The following TMEM233 variants were observed in gnomAD, a reference collection of about 807,000 sequenced individuals.
TMEM233 encodes the protein transmembrane protein 233.
In TMEM233, 6 loss-of-function variants were observed where a neutral mutation model predicts 11.2. The ratio of observed to expected loss-of-function variants is 0.54; its 90% confidence interval spans 0.29 to 1.06. The LOEUF (loss-of-function observed/expected upper bound fraction) is 1.06. Among genes scored for constraint, TMEM233 ranks in the 50% least tolerant of loss-of-function variants. The pLI is 0.08. For synonymous variants in TMEM233, 59 were observed against 55.8 expected, an observed-to-expected ratio of 1.06 and a Z score of -0.26; for missense variants, 127 against 144.7, an observed-to-expected ratio of 0.88 and a Z score of 0.63.
intron 1 of TMEM233, among the ~76,000 whole-genome samples, chr12:119,602,657 A>G (rs1376676894): frequency 1.3e-5 from 2 of 152,232 alleles, no homozygotes; most frequent in Admixed American, 1.3e-4. Flanking sequence ...GACATTTGGT[A>G]TTTAGGAACC....
chr12:119,596,980 T>A (rs1251340427), intron 1 of TMEM233, among the ~76,000 whole-genome samples: 1 of 152,220 alleles, frequency 6.6e-6, no homozygotes, highest in Non-Finnish European at 1.5e-5. Flanking sequence ...GATATCATGT[T>A]ACATATAAAA....
chr12:119,594,219 G>C lies in TMEM233; in HGVS notation c.186+185G>C. The C allele has an allele frequency of 1.6e-6, 1 of 619,832 alleles. No individual in the cohort carries two copies. Among genetic ancestry groups the C allele is most frequent in the Non-Finnish European group, 2.8e-6 (1 of 353,940 alleles). The allele number at this position is 619,832 out of a possible 1,614,324, so 38.4% of individuals were successfully genotyped here. On this transcript the variant is annotated intron_variant, in intron 1 of 2. Coordinates refer to ENST00000426426, the MANE Select transcript of TMEM233 (RefSeq NM_001136534.3). This position sits in a 1 kb window ranked among gnomAD's most constrained non-coding sequence, Gnocchi z 5.6. ...CTCAGAGCTCTCCCCGCAATCATCA[G>C]CACCTCCTCTGCACTCCTCGTGGTA...
chr12:119,634,236 A>C (rs1226812013), intron 2 of TMEM233: 21 of 985,238 alleles, frequency 2.1e-5, no homozygotes, highest in Non-Finnish European at 2.4e-5. Context: ...GGGCTGGAAA[A>C]TCTGACATTA....
chr12:119,651,464 A>G, the TMEM233 span, among the ~76,000 whole-genome samples: 484 of 152,190 alleles, frequency 3.2e-3, 1 homozygote, highest in African/African-American at 0.011. Flanking sequence ...GGGTTATGTG[A>G]CCATTCCGAA....
At chr12:119,603,025 C>T (rs988679919) in intron 1 of TMEM233, among the ~76,000 whole-genome samples, 2 of 152,080 alleles carry the variant, frequency 1.3e-5, no homozygotes, top group Non-Finnish European at 2.9e-5. Flanking sequence ...GAGGCTGAGG[C>T]GGGTGGACCA....
downstream of TMEM233, among the ~76,000 whole-genome samples, chr12:119,644,332 T>C (rs1774814394): frequency 6.6e-6 from 1 of 151,982 alleles, no homozygotes. Context: ...ACCAAAGTAC[T>C]CTTACCAGAA....
rs143136952 is a variant in TMEM233 at position 119,613,079 on chromosome 12, T to C, written c.187-16657T>C. The stretch of plus-strand genomic sequence containing the variant: ...GCACCCATCAACTCATCATTTACAT[T>C]AGGTATTTCTCCTAATGCTATGCCT... On this transcript the variant is annotated intron_variant, in intron 1 of 2. Transcript: ENST00000426426. Among the ~76,000 whole-genome samples, 475 of 152,230 alleles carry C rather than the reference T, an allele frequency of 3.1e-3. 3 individuals are homozygous for C. The highest frequency in any genetic ancestry group is 0.011 in the African/African-American group (460 of 41,510).
intron 1 of TMEM233, among the ~76,000 whole-genome samples, chr12:119,615,092 T>G (rs12317336): frequency 0.013 from 1,910 of 143,566 alleles, 39 homozygotes; most frequent in African/African-American, 0.047. Flanking sequence ...CCATCCTCCC[T>G]GCCAGGCATC....
chr12:119,599,924 C>T (rs999575473), intron 1 of TMEM233, among the ~76,000 whole-genome samples: 3 of 152,088 alleles, frequency 2.0e-5, no homozygotes, highest in African/African-American at 7.2e-5. Flanking sequence ...TGGAAAGCTG[C>T]AATGTTGAAC....
At chr12:119,651,500 T>C in the TMEM233 span, among the ~76,000 whole-genome samples, 1 of 152,052 alleles carries the variant, frequency 6.6e-6, no homozygotes, top group Admixed American at 6.6e-5. Flanking sequence ...AAGGGTAGGA[T>C]TGTCCAGTCA....
rs7309996 is a variant in TMEM233 at position 119,598,234 on chromosome 12, C to T, written c.186+4200C>T. 8.5e-3 allele frequency among the ~76,000 whole-genome samples: 1,287 copies of T among 152,252 alleles called. 19 individuals carry two copies. Among genetic ancestry groups the T allele is most frequent in the African/African-American group, 0.029 (1,218 of 41,542 alleles). On this transcript the variant is annotated intron_variant, in intron 1 of 2. Coordinates refer to ENST00000426426, the MANE Select transcript of TMEM233 (RefSeq NM_001136534.3). ...TCCTGGATCTCAAAGAAGTGGGGCT[C>T]TAGGCAAGTTGCAAGAGTGTTGGCA...
the TMEM233 span, among the ~76,000 whole-genome samples, chr12:119,653,640 AC>A: frequency 1.4e-4 from 22 of 152,110 alleles, no homozygotes; most frequent in Middle Eastern, 3.4e-3. Flanking sequence ...TTTTTTAAAA[AC>A]CCCTGAAAAT....
chr12:119,649,234 G>T, the TMEM233 span, among the ~76,000 whole-genome samples: 1 of 152,054 alleles, frequency 6.6e-6, no homozygotes, highest in Non-Finnish European at 1.5e-5. Flanking sequence ...GGTGGCGGAG[G>T]TTGCAGTGAG....
At chr12:119,605,018 G>A (rs1343628391) in intron 1 of TMEM233, among the ~76,000 whole-genome samples, 2 of 144,366 alleles carry the variant, frequency 1.4e-5, no homozygotes, top group Admixed American at 6.9e-5. Context: ...TTTTTGCCAC[G>A]GGTGAAATTC....
the TMEM233 span, among the ~76,000 whole-genome samples, chr12:119,651,075 C>T: frequency 1.3e-5 from 2 of 152,142 alleles, no homozygotes; most frequent in African/African-American, 2.4e-5. Context: ...TGAGTCCATC[C>T]GAGTATACGA....
chr12:119,618,845 A>G (rs1238280100), intron 1 of TMEM233, among the ~76,000 whole-genome samples: 1 of 152,128 alleles, frequency 6.6e-6, no homozygotes, highest in African/African-American at 2.4e-5. Context: ...TTAATGCTGG[A>G]ATGAGCTGAG....
intron 1 of TMEM233, among the ~76,000 whole-genome samples, chr12:119,603,586 C>A (rs1170925742): frequency 6.6e-6 from 1 of 152,170 alleles, no homozygotes; most frequent in Non-Finnish European, 1.5e-5. Flanking sequence ...TCTTTCAAGG[C>A]TCAGCTAGAA....
chr12:119,616,815 C>T (rs1419074163), intron 1 of TMEM233, among the ~76,000 whole-genome samples: 1 of 152,138 alleles, frequency 6.6e-6, no homozygotes. Context: ...GGTGAGTTCT[C>T]ACAAGATCTG....
intron 1 of TMEM233, among the ~76,000 whole-genome samples, chr12:119,599,399 C>A (rs1256772621): frequency 1.3e-5 from 2 of 151,756 alleles, no homozygotes; most frequent in African/African-American, 4.8e-5. Context: ...TCATGTACCC[C>A]GTAAATGTAT....
Sources: gnomAD v4.1 joint callset for allele counts (sites outside exome capture counted in the v4.1 genomes callset) on GRCh38, gnomAD v4.1.1 for gene constraint, Gnocchi (gnomAD v3.1) non-coding constraint, MANE v1.5 for transcripts, NCBI Gene and HGNC (gene_info 2026-07-23, HGNC 2026-07-21) for gene names.